DHRS7C: variants seen among roughly 807,000 people sequenced by gnomAD.
The protein encoded by DHRS7C is dehydrogenase/reductase 7C.
In DHRS7C, 28 loss-of-function variants were observed where a neutral mutation model predicts 29.6. The observed-to-expected ratio is 0.95, with a 90% CI of 0.70 to 1.30. DHRS7C has a LOEUF of 1.30. Ranked by LOEUF, DHRS7C falls within the 50% of genes most tolerant of loss-of-function variation. The probability of loss-of-function intolerance (pLI) is 0.00; values close to 1 mark genes in which losing one functional copy is unlikely to be tolerated. For missense variants in DHRS7C, 403 were observed against 393.3 expected (o/e 1.02, Z -0.21); for synonymous variants, 158 against 160.2 (o/e 0.99, Z 0.10).
rs2066328289 is a variant in DHRS7C at position 9,771,597 on chromosome 17, T to C, written c.827A>G (p.Asn276Ser). Residue 276 changes from asparagine to serine, a missense_variant, in exon 6 of 6, where the codon AAC becomes AGC. Physicochemically the swap from Asn to Ser is conservative, Grantham distance 46 (BLOSUM62 1). Coordinates refer to ENST00000571134, the MANE Select transcript of DHRS7C (RefSeq NM_001105571.3). ...GTACACGGCGGCCTTGGGGATGGGG[T>C]TGGCCATAAACACCTCTTGCTTCTT... The part of the protein sequence containing the change: ...RRKKQEVFMA[N>S]PIPKAAVYVR... 4.4e-6 allele frequency: 7 copies of C among 1,599,064 alleles called. No individual in the cohort carries two copies. The highest frequency in any genetic ancestry group is 2.7e-5 in the African/African-American group (2 of 74,430).
At chr17:9,789,013 G>A (rs2066439825) in intron 1 of DHRS7C, among the ~76,000 whole-genome samples, 1 of 152,156 alleles carries the variant, frequency 6.6e-6, no homozygotes, top group Non-Finnish European at 1.5e-5. Flanking sequence ...TTTCCTGGGT[G>A]CCTGATTTGA....
intron 1 of DHRS7C, among the ~76,000 whole-genome samples, chr17:9,784,072 C>T (rs1239885951): frequency 2.7e-5 from 4 of 150,902 alleles, no homozygotes; most frequent in South Asian, 2.1e-4. Flanking sequence ...CAGAAATAGA[C>T]GAAGATAGAG....
chr17:9,783,311 T>C (rs2066403886), intron 1 of DHRS7C, among the ~76,000 whole-genome samples: 2 of 152,162 alleles, frequency 1.3e-5, no homozygotes, highest in Non-Finnish European at 2.9e-5. Flanking sequence ...TGCAAGTGTT[T>C]TATTGAGAAA....
At chr17:9,777,410 A>G (rs2066368736) in intron 3 of DHRS7C, 125 bp from the exon 4 acceptor site, 5 of 644,174 alleles carry the variant, frequency 7.8e-6, no homozygotes, top group Non-Finnish European at 1.3e-5. Context: ...ACTAGATTGC[A>G]GCAGGGCAGA....
chr17:9,779,716 G>A, intron 3 of DHRS7C, 109 bp downstream of exon 3: 2 of 1,141,324 alleles, frequency 1.8e-6, no homozygotes, highest in Non-Finnish European at 2.4e-6. Flanking sequence ...AATTTTCTGA[G>A]GGGACTGGGG....
At position 9,772,855 on chromosome 17, in the gene DHRS7C, A is replaced by T. The variant is rs2066339157; in HGVS notation, c.639T>A (p.Asp213Glu). The change falls in exon 5 of 6, where the codon GAT becomes GAA. Residue 213 changes from aspartate (D) to glutamate (E), a missense_variant. Physicochemically the swap from Asp to Glu is conservative, Grantham distance 45. Coordinates refer to ENST00000571134, the MANE Select transcript of DHRS7C (RefSeq NM_001105571.3). ...TCGGGCTCACGGTGCTGATGACAAC[A>T]TCGTATTCCTCCACTTCGGCTCGGA... ...DCLRAEVEEY[D>E]VVISTVSPTF... 2 of 1,613,894 alleles carry T rather than the reference A, an allele frequency of 1.2e-6. No homozygotes were observed. The highest frequency in any genetic ancestry group is 1.7e-5 in the Admixed American group (1 of 60,006).
rs1426527251 is a variant in DHRS7C, at chr17:9,791,045, C to A, written c.154+86G>T. On this transcript the variant is annotated intron_variant, in intron 1 of 5. Coordinates refer to ENST00000571134, the MANE Select transcript of DHRS7C (RefSeq NM_001105571.3). ...CCCTCCCACCGAGCAGGTTTGCCCA[C>A]ACAGCGCCCTGCCGCCCTGCCACCC... 4 of 1,492,546 alleles carry A rather than the reference C, an allele frequency of 2.7e-6. No homozygotes were observed. The South Asian group carries it at 5.4e-5, about 20-fold the overall frequency. The allele number at this position is 1,492,546 out of a possible 1,614,324, so 92.5% of individuals were successfully genotyped here.
In DHRS7C at chr17:9,775,264, GAA is replaced by G. The variant is rs1412781683; in HGVS notation, c.571+1927_571+1928del. On this transcript the variant is annotated intron_variant, in intron 4 of 5. Transcript: ENST00000571134. The surrounding 1 kb of genome is among the most constrained non-coding windows in gnomAD (Gnocchi z 4.2). ...TGGGGAGATTCCTAAGTGGACTGGG[GAA>G]GAGAGGAAAAGGCAGGATGTGGCAA... Among the ~76,000 whole-genome samples, 2 of 152,264 alleles carry G rather than the reference GAA, an allele frequency of 1.3e-5. No homozygotes were observed. Among genetic ancestry groups the G allele is most frequent in the Non-Finnish European group, 2.9e-5 (2 of 68,044 alleles).
intron 3 of DHRS7C, 105 bp downstream of exon 3, chr17:9,779,720 A>C: frequency 8.6e-7 from 1 of 1,159,306 alleles, no homozygotes; most frequent in Non-Finnish European, 1.2e-6. Flanking sequence ...TTCTGAGGGG[A>C]CTGGGGAATT....
In DHRS7C at chr17:9,777,051, G is replaced by A. The variant is rs1008878439; in HGVS notation, c.571+142C>T. ...GTGCTCAAAAAAATAGGAACCATAG[G>A]GATGAAAGAAAATCCAGCAGATGGT... On this transcript the variant is annotated intron_variant, in intron 4 of 5. Coordinates refer to ENST00000571134, the MANE Select transcript of DHRS7C (RefSeq NM_001105571.3). 1.2e-5 allele frequency: 8 copies of A among 650,180 alleles called. No individual in the cohort carries two copies. In the African/African-American group the frequency reaches 1.3e-4, roughly 11 times the overall value. The allele number at this position is 650,180 out of a possible 1,614,324, so 40.3% of individuals were successfully genotyped here. A position where few individuals can be genotyped will look rare whatever the true frequency, so the allele number is the denominator to read the frequency against.
At position 9,772,651 on chromosome 17, in the gene DHRS7C, C is replaced by G. The variant is rs908284070; in HGVS notation, c.727+116G>C. 8.9e-6 allele frequency: 12 copies of G among 1,355,160 alleles called. No individual in the cohort carries two copies. In the East Asian group the frequency reaches 3.0e-4, roughly 33 times the overall value. The allele number at this position is 1,355,160 out of a possible 1,614,324, so 83.9% of individuals were successfully genotyped here. ...GTTGGGGGTTGCTGAGCCTCCTCCACCCCCATCCCCAGACTCATGTTTCAG... is the reference window on the plus strand; with the variant it reads ...GTTGGGGGTTGCTGAGCCTCCTCCAGCCCCATCCCCAGACTCATGTTTCAG... On this transcript the variant is annotated intron_variant, in intron 5 of 5. Coordinates refer to ENST00000571134, the MANE Select transcript of DHRS7C (RefSeq NM_001105571.3).
Position 9,791,447 on chromosome 17 carries a change from A to G in DHRS7C, c.-163T>C, listed in dbSNP as rs1391218511. 5.3e-6 allele frequency: 4 copies of G among 753,936 alleles called. No individual in the cohort carries two copies. Among genetic ancestry groups the G allele is most frequent in the Non-Finnish European group, 4.1e-6 (2 of 488,156 alleles). 46.7% of individuals were successfully genotyped at this position (753,936 alleles called of 1,614,324 possible). A position where few individuals can be genotyped will look rare whatever the true frequency, so the allele number is the denominator to read the frequency against. On this transcript the variant is annotated 5_prime_UTR_variant, in exon 1 of 6. Coordinates refer to ENST00000571134, the MANE Select transcript of DHRS7C (RefSeq NM_001105571.3). ...CGTGCTAATCCCCAAATGTTCAACA[A>G]ATAGGAAGTTACTCACAGTGTCTCC... is the stretch of plus-strand genomic sequence containing the variant.
At chr17:9,773,655 C>G (rs2066344535) in intron 4 of DHRS7C, among the ~76,000 whole-genome samples, 1 of 151,460 alleles carries the variant, frequency 6.6e-6, no homozygotes, top group Non-Finnish European at 1.5e-5. Context: ...TGCCTTCAAC[C>G]AGAACCCTTT....
At chr17:9,791,077 C>A in intron 1 of DHRS7C, 54 bp downstream of exon 1, 1 of 1,556,688 alleles carries the variant, frequency 6.4e-7, no homozygotes, top group South Asian at 1.2e-5. Flanking sequence ...ACCCTGCCAT[C>A]CTGCCAGTCC....
intron 1 of DHRS7C, among the ~76,000 whole-genome samples, chr17:9,789,677 T>C (rs895550473): frequency 1.3e-5 from 2 of 152,170 alleles, no homozygotes; most frequent in Non-Finnish European, 2.9e-5. Flanking sequence ...AGAGGCCGTA[T>C]CAGGGATCGC....
rs1011833296 is a variant in DHRS7C, at chr17:9,779,899, G to T, written c.404C>A (p.Ala135Asp). 1 of 1,613,832 alleles carries T rather than the reference G, an allele frequency of 6.2e-7. No homozygotes were observed. Among genetic ancestry groups the T allele is most frequent in the Non-Finnish European group, 8.5e-7 (1 of 1,179,844 alleles). The change falls in exon 3 of 6, where the codon GCC becomes GAC. Residue 135 changes from alanine to aspartate, a missense_variant. Ala to Asp is a moderately radical substitution (Grantham distance 126, BLOSUM62 -2). Coordinates refer to ENST00000571134, the MANE Select transcript of DHRS7C (RefSeq NM_001105571.3). ...GTCGAGCTCCAGAGAAATCTTATGG[G>T]CAGGCCCCTTCACCTTCACACTGGC... is the stretch of plus-strand genomic sequence containing the variant. ...NNASVKVKGP[A>D]HKISLELDKK...
intron 1 of DHRS7C, among the ~76,000 whole-genome samples, chr17:9,786,389 G>T (rs893094346): frequency 6.9e-6 from 1 of 145,510 alleles, no homozygotes; most frequent in African/African-American, 2.5e-5. Context: ...GTCAGGAACC[G>T]CCTGATTTTT....
At chr17:9,781,441 G>T in intron 2 of DHRS7C, 41 bp downstream of exon 2, 1 of 1,584,304 alleles carries the variant, frequency 6.3e-7, no homozygotes, top group Non-Finnish European at 8.7e-7. Flanking sequence ...GAGGCTGGGA[G>T]TTCCCAGGAG....
intron 3 of DHRS7C, 113 bp downstream of exon 3, chr17:9,779,712 C>A: frequency 1.8e-6 from 2 of 1,110,426 alleles, no homozygotes; most frequent in South Asian, 1.6e-5. Context: ...AGGGAATTTT[C>A]TGAGGGGACT....
Sources: gnomAD v4.1 joint callset for allele counts (sites outside exome capture counted in the v4.1 genomes callset) on GRCh38, gnomAD v4.1.1 for gene constraint, Gnocchi (gnomAD v3.1) non-coding constraint, MANE v1.5 for transcripts, NCBI Gene and HGNC (gene_info 2026-07-23, HGNC 2026-07-21) for gene names.